Variants in GRAMD1B observed in about 807,000 individuals in gnomAD.
GRAMD1B encodes the protein GRAM domain containing 1B.
A neutral mutation model predicts 99.7 loss-of-function variants in GRAMD1B; 37 were observed. That is an observed-to-expected ratio of 0.37 (90% confidence interval 0.29 to 0.49). GRAMD1B has a LOEUF of 0.49. Among genes scored for constraint, GRAMD1B ranks in the 20% least tolerant of loss-of-function variants. The pLI, the probability that GRAMD1B is intolerant of heterozygous loss-of-function variation, is 0.98. For synonymous variants in GRAMD1B, 427 were observed against 387.6 expected, an observed-to-expected ratio of 1.10 and a Z score of -1.19; for missense variants, 888 against 1,009.2, an observed-to-expected ratio of 0.88 and a Z score of 1.63.
At chr11:123,507,913 G>A (rs954875038) in intron 2 of GRAMD1B, among the ~76,000 whole-genome samples, 3 of 152,186 alleles carry the variant, frequency 2.0e-5, no homozygotes, top group African/African-American at 7.2e-5. Context: ...ATGTTTAGTG[G>A]AAAGGAATTT....
rs190577142 is a variant in GRAMD1B, at chr11:123,391,515, G to A, written c.-176+32716G>A. Reference sequence around the variant, plus strand: ...TCTGTCACCCAGGCTGGAGTGCAGTGGCATGATCTCGGCTCACTGCAACCT... The same window carrying A: ...TCTGTCACCCAGGCTGGAGTGCAGTAGCATGATCTCGGCTCACTGCAACCT... On this transcript the variant is annotated intron_variant, in intron 1 of 20. Transcript: ENST00000638157. Among the ~76,000 whole-genome samples the A allele has an allele frequency of 7.2e-5, 11 of 152,298 alleles. No individual in the cohort carries two copies. The East Asian group carries it at 2.1e-3, about 29-fold the overall frequency.
At chr11:123,604,803 G>A (rs1401698528) in intron 9 of GRAMD1B, among the ~76,000 whole-genome samples, 1 of 152,112 alleles carries the variant, frequency 6.6e-6, no homozygotes, top group Non-Finnish European at 1.5e-5. Context: ...AGTGTTCCTC[G>A]ACGAGCACCC....
In GRAMD1B at chr11:123,568,133, A is replaced by T. The variant is rs187973859; in HGVS notation, c.453-9234A>T. On this transcript the variant is annotated intron_variant, in intron 2 of 19. Transcript: ENST00000635736. ...AGTTTTGGGTTTTTTTTTTAACTGAAATATTTATACAAGACAGGGAAGGAG... is the reference window on the plus strand; with the variant it reads ...AGTTTTGGGTTTTTTTTTTAACTGATATATTTATACAAGACAGGGAAGGAG... 1.2e-4 allele frequency among the ~76,000 whole-genome samples: 18 copies of T among 152,194 alleles called. 1 individual carries two copies. The East Asian group carries it at 3.1e-3, about 26-fold the overall frequency.
At chr11:123,504,036 T>G (rs1422633339) in intron 2 of GRAMD1B, among the ~76,000 whole-genome samples, 1 of 152,172 alleles carries the variant, frequency 6.6e-6, no homozygotes. Flanking sequence ...ACTGTAGACT[T>G]CAATCACTGT....
At chr11:123,605,233 T>G in intron 9 of GRAMD1B, 89 bp from the exon 10 acceptor site, 1 of 901,964 alleles carries the variant, frequency 1.1e-6, no homozygotes, top group Non-Finnish European at 1.6e-6. Context: ...CTCATAGATA[T>G]GGATGGATAG....
chr11:123,359,560 A>C (rs1010698418), intron 1 of GRAMD1B, among the ~76,000 whole-genome samples: 1 of 152,094 alleles, frequency 6.6e-6, no homozygotes, highest in Non-Finnish European at 1.5e-5. Context: ...GTTCCTCAGC[A>C]GGATATGCAG....
chr11:123,593,650 C>T (rs1417345381), intron 4 of GRAMD1B, among the ~76,000 whole-genome samples: 1 of 152,120 alleles, frequency 6.6e-6, no homozygotes, highest in African/African-American at 2.4e-5. Context: ...ACGACAACAC[C>T]TTCTTCTGAG....
chr11:123,589,858 AG>A (rs2136458325), intron 4 of GRAMD1B, among the ~76,000 whole-genome samples: 1 of 152,182 alleles, frequency 6.6e-6, no homozygotes, highest in East Asian at 1.9e-4. Flanking sequence ...CTAAGACAAA[AG>A]CACCATTCCT....
chr11:123,419,639 C>CAA (rs1948351949), intron 1 of GRAMD1B, among the ~76,000 whole-genome samples: 2 of 149,994 alleles, frequency 1.3e-5, no homozygotes, highest in Non-Finnish European at 3.0e-5. Context: ...AAAACAACAA[C>CAA]AACAAAACAA....
At chr11:123,557,609 T>C (rs1243496010) in intron 2 of GRAMD1B, among the ~76,000 whole-genome samples, 1 of 152,218 alleles carries the variant, frequency 6.6e-6, no homozygotes, top group Non-Finnish European at 1.5e-5. Flanking sequence ...GCAGGTTGCA[T>C]GTATTTACAT....
At chr11:123,488,182 C>A (rs1938099359) in intron 2 of GRAMD1B, among the ~76,000 whole-genome samples, 1 of 152,182 alleles carries the variant, frequency 6.6e-6, no homozygotes, top group Non-Finnish European at 1.5e-5. Flanking sequence ...GAGGGCTCCA[C>A]TTTCATGATT....
chr11:123,559,401 T>C (rs1946465817), intron 2 of GRAMD1B, among the ~76,000 whole-genome samples: 2 of 152,186 alleles, frequency 1.3e-5, no homozygotes, highest in South Asian at 4.1e-4. Flanking sequence ...CATGGGACCT[T>C]CACTTTTCCA....
rs1312918202 is a variant in GRAMD1B, at chr11:123,510,424, ACT to A, written c.452+29533_452+29534del. On this transcript the variant is annotated intron_variant, in intron 2 of 19. Coordinates refer to ENST00000635736, the MANE Select transcript of GRAMD1B (RefSeq NM_001387025.1). The surrounding 1 kb of genome is among the most constrained non-coding windows in gnomAD (Gnocchi z 4.3). ...ACCAGGCCAGGGGAGGTGCCCCCTG[ACT>A]CAGCCTCCTGGGAGTCTGTGGAACA... Among the ~76,000 whole-genome samples, 1 of 151,884 alleles carries A rather than the reference ACT, an allele frequency of 6.6e-6. No homozygotes were observed. The highest frequency in any genetic ancestry group is 1.5e-5 in the Non-Finnish European group (1 of 67,964).
intron 2 of GRAMD1B, among the ~76,000 whole-genome samples, chr11:123,491,240 G>A (rs528608314): frequency 1.3e-5 from 2 of 152,284 alleles, no homozygotes; most frequent in South Asian, 4.1e-4. Flanking sequence ...GCCAACTCAG[G>A]TCTAGCCACT....
At chr11:123,465,659 C>T (rs546201208) in intron 1 of GRAMD1B, among the ~76,000 whole-genome samples, 1 of 151,800 alleles carries the variant, frequency 6.6e-6, no homozygotes, top group South Asian at 2.1e-4. Context: ...ATCCCAGCTA[C>T]TAGGGAGACT....
chr11:123,598,311 T>C, intron 7 of GRAMD1B: 1 of 1,252,974 alleles, frequency 8.0e-7, no homozygotes, highest in Non-Finnish European at 1.2e-6. Flanking sequence ...TGGCAGGTTT[T>C]TGGGGTTGTA....
chr11:123,359,752 T>C (rs1946076258), intron 1 of GRAMD1B, among the ~76,000 whole-genome samples: 1 of 152,018 alleles, frequency 6.6e-6, no homozygotes, highest in Non-Finnish European at 1.5e-5. Context: ...TCCTAGGAAA[T>C]AATAATTTTT....
At chr11:123,416,949 T>A (rs1343586247) in intron 1 of GRAMD1B, among the ~76,000 whole-genome samples, 1 of 152,236 alleles carries the variant, frequency 6.6e-6, no homozygotes, top group African/African-American at 2.4e-5. Context: ...AACTTGCTAA[T>A]AAGTGGTGAA....
chr11:123,395,491 G>A (rs750870444), intron 1 of GRAMD1B, among the ~76,000 whole-genome samples: 3 of 152,018 alleles, frequency 2.0e-5, no homozygotes, highest in Non-Finnish European at 2.9e-5. Flanking sequence ...AAAAGTGAAC[G>A]TTTGCATGGT....
Sources: allele counts gnomAD v4.1 joint callset (sites outside exome capture counted in the v4.1 genomes callset), GRCh38; gene constraint gnomAD v4.1.1; non-coding constraint Gnocchi (gnomAD v3.1); transcripts MANE v1.5; gene names NCBI Gene and HGNC (gene_info 2026-07-23, HGNC 2026-07-21).